MACF1: variants seen among roughly 807,000 people sequenced by gnomAD.
MACF1 encodes microtubule-actin cross-linking factor 1.
Under a neutral mutation model 854.8 loss-of-function variants are expected in MACF1, and 193 were observed. The ratio of observed to expected loss-of-function variants is 0.23; its 90% CI spans 0.20 to 0.25. The LOEUF is 0.25. MACF1 is among the 10% of genes least tolerant of loss of function. The pLI is 1.00. For missense variants in MACF1, 7,722 were observed against 8,929.1 expected (o/e 0.86, Z 5.45); for synonymous variants, 3,185 against 3,226.7 (o/e 0.99, Z 0.44).
chr1:39,470,992 G>A (rs898337845), intron 97 of MACF1, among the ~76,000 whole-genome samples: 5 of 152,200 alleles, frequency 3.3e-5, no homozygotes, highest in African/African-American at 1.2e-4. Context: ...GGAAATTGGG[G>A]AGGGCCATCT....
intron 2 of MACF1, among the ~76,000 whole-genome samples, chr1:39,189,448 A>G (rs1183601400): frequency 2.0e-5 from 3 of 152,176 alleles, no homozygotes; most frequent in Non-Finnish European, 2.9e-5. Context: ...TAAATTTGTG[A>G]TGGATACCCC....
chr1:39,230,973 T>G (rs1426996710), intron 1 of MACF1, among the ~76,000 whole-genome samples: 1 of 152,178 alleles, frequency 6.6e-6, no homozygotes, highest in Non-Finnish European at 1.5e-5. Flanking sequence ...TTGAGGCACG[T>G]GGTGATTCTG....
intron 40 of MACF1, among the ~76,000 whole-genome samples, chr1:39,343,699 G>A (rs1161582325): frequency 6.6e-6 from 1 of 152,180 alleles, no homozygotes; most frequent in Non-Finnish European, 1.5e-5. Flanking sequence ...TGTTAGCAGT[G>A]GCAAATCCAT....
At chr1:39,245,616 G>A (rs902965770) in intron 2 of MACF1, among the ~76,000 whole-genome samples, 1 of 152,142 alleles carries the variant, frequency 6.6e-6, no homozygotes, top group African/African-American at 2.4e-5. Flanking sequence ...GGTTGGGAGT[G>A]GTAGCTCACA....
intron 58 of MACF1, among the ~76,000 whole-genome samples, chr1:39,393,904 AAAAG>A (rs780591836): frequency 2.7e-4 from 41 of 152,136 alleles, no homozygotes; most frequent in South Asian, 1.9e-3. Flanking sequence ...GGAAGGAAAG[AAAAG>A]AAAGAAAGAG....
At chr1:39,262,858 G>C (rs777658476) in intron 6 of MACF1, among the ~76,000 whole-genome samples, 3 of 152,088 alleles carry the variant, frequency 2.0e-5, no homozygotes, top group Non-Finnish European at 4.4e-5. Flanking sequence ...CCTTTTCTTT[G>C]CCGTTCTGAG....
intron 2 of MACF1, among the ~76,000 whole-genome samples, chr1:39,241,824 C>T (rs1644927527): frequency 6.6e-6 from 1 of 152,068 alleles, no homozygotes; most frequent in Non-Finnish European, 1.5e-5. Context: ...AGACAATGAT[C>T]TGGACCCAGC....
chr1:39,208,935 G>T (rs573395833), intron 1 of MACF1, among the ~76,000 whole-genome samples: 2 of 151,956 alleles, frequency 1.3e-5, no homozygotes, highest in Admixed American at 6.6e-5. Flanking sequence ...CTCAGTATCT[G>T]CAGTGTCTGA....
In MACF1 at chr1:39,448,712, T is replaced by TA; in HGVS notation, c.20208dup (p.Gly6737ArgfsTer40). ...GATAGTCAGAAACTTGACAATTTCC[T>TA]AGGAGAAGTCAGAGACAAATGGGAT... On this transcript the variant is annotated frameshift_variant, in exon 84 of 101. Transcript: ENST00000564288. LOFTEE classifies it high-confidence loss of function. 1 of 1,613,460 alleles carries TA rather than the reference T, an allele frequency of 6.2e-7. No homozygotes were observed. Among genetic ancestry groups the TA allele is most frequent in the Non-Finnish European group, 8.5e-7 (1 of 1,179,594 alleles).
At chr1:39,284,947 G>A in intron 11 of MACF1, 136 bp from the exon 12 acceptor site, 4 of 1,214,558 alleles carry the variant, frequency 3.3e-6, no homozygotes, top group African/African-American at 3.0e-5. Context: ...ATATTTGATT[G>A]TTTTTCCATG....
At chr1:39,366,797 C>G (rs368272905) in intron 49 of MACF1, among the ~76,000 whole-genome samples, 1 of 149,462 alleles carries the variant, frequency 6.7e-6, no homozygotes, top group Non-Finnish European at 1.5e-5. Context: ...TGGGTTCCAG[C>G]AATTTCCAGC....
intron 38 of MACF1, among the ~76,000 whole-genome samples, chr1:39,337,562 A>ATTTTTTTTTTTTTTTTT (rs35312351): frequency 1.0e-5 from 1 of 100,154 alleles, no homozygotes; most frequent in Non-Finnish European, 1.9e-5. Flanking sequence ...AATTACTACC[A>ATTTTTTTTTTTTTTTTT]TTTTTTTTTT....
chr1:39,297,770 ATT>A, intron 21 of MACF1, 25 bp downstream of exon 21: 2 of 1,612,696 alleles, frequency 1.2e-6, no homozygotes, highest in Non-Finnish European at 1.7e-6. Flanking sequence ...AGTGGGGATG[ATT>A]ACTTCTGAGA....
intron 6 of MACF1, among the ~76,000 whole-genome samples, chr1:39,270,894 A>G (rs1645304575): frequency 6.6e-6 from 1 of 152,196 alleles, no homozygotes. Flanking sequence ...CTTTGGGGAT[A>G]CATTTTCCCC....
Position 39,117,649 on chromosome 1 carries a change from TC to T in MACF1, c.220+33213del, listed in dbSNP as rs1330043076. 2.0e-5 allele frequency among the ~76,000 whole-genome samples: 3 copies of T among 151,938 alleles called. No individual in the cohort carries two copies. In the East Asian group the frequency reaches 5.8e-4, roughly 29 times the overall value. ...GCATGCCCCTTTGTGTATACAGACT[TC>T]CTCTACTATTGTTATCACCATCAGC... is the stretch of plus-strand genomic sequence containing the variant. On this transcript the variant is annotated intron_variant, in intron 2 of 93. Transcript: ENST00000361689.
At chr1:39,133,018 C>T (rs1275837828) in intron 2 of MACF1, among the ~76,000 whole-genome samples, 3 of 152,238 alleles carry the variant, frequency 2.0e-5, no homozygotes, top group African/African-American at 7.2e-5. Flanking sequence ...ATCCGCTACT[C>T]AGCCCTTTTT....
At position 39,441,995 on chromosome 1, in the gene MACF1, C is replaced by G. The variant is rs972021368; in HGVS notation, c.18716C>G (p.Thr6239Ser). 2 of 1,613,968 alleles carry G rather than the reference C, an allele frequency of 1.2e-6. No individual in the cohort carries two copies. Among genetic ancestry groups the G allele is most frequent in the African/African-American group, 2.7e-5 (2 of 74,920 alleles). ...WLDNTVIKLC[T>S]MPPVGTDLNT... Reference sequence around the variant, plus strand: ...GATAACACTGTGATTAAACTCTGCACCATGCCCCCTGTTGGCACTGACCTC... The same window carrying G: ...GATAACACTGTGATTAAACTCTGCAGCATGCCCCCTGTTGGCACTGACCTC... Residue 6239 changes from threonine to serine, a missense_variant, in exon 75 of 101, where the codon ACC becomes AGC. Transcript: ENST00000564288.
chr1:39,187,709 A>T (rs912767841), intron 2 of MACF1, among the ~76,000 whole-genome samples: 3 of 152,142 alleles, frequency 2.0e-5, no homozygotes, highest in African/African-American at 4.8e-5. Context: ...CAGATTTTTT[A>T]AAAAATTATT....
At chr1:39,107,963 G>GT (rs1399401665) in intron 2 of MACF1, among the ~76,000 whole-genome samples, 1 of 152,158 alleles carries the variant, frequency 6.6e-6, no homozygotes, top group Non-Finnish European at 1.5e-5. Flanking sequence ...TGTATTTGGA[G>GT]TGTGAGGGAA....
Sources: allele counts gnomAD v4.1 joint callset (sites outside exome capture counted in the v4.1 genomes callset), GRCh38; gene constraint gnomAD v4.1.1; transcripts MANE v1.5; gene names NCBI Gene and HGNC (gene_info 2026-07-23, HGNC 2026-07-21).